The following KCNG1 variants were observed in gnomAD, a reference collection of about 807,000 sequenced individuals.
KCNG1 encodes the protein voltage-gated potassium channel regulatory subunit KCNG1.
Under a neutral mutation model 32.4 loss-of-function variants are expected in KCNG1, and 17 were observed. The observed-to-expected ratio is 0.52, with a 90% confidence interval of 0.36 to 0.79. KCNG1 has a LOEUF of 0.79. Ranked by LOEUF, KCNG1 falls within the 30% of genes least tolerant of loss-of-function variation. The pLI is 0.00. For missense variants in KCNG1, 441 were observed against 735.2 expected, an observed-to-expected ratio of 0.60 and a Z score of 4.63; for synonymous variants, 358 against 339.9, an observed-to-expected ratio of 1.05 and a Z score of -0.59.
Position 51,009,567 on chromosome 20 carries a change from GCTC to G in KCNG1, c.769_771del (p.Glu257del), listed in dbSNP as rs1318564357. Reference sequence around the variant, plus strand: ...CCCCGCGGGGCGTGGGCTCTTACCTGCTCCTCCTCCTCCCTCAGGCTGGGCAAG... The same window carrying G: ...CCCCGCGGGGCGTGGGCTCTTACCTGCTCCTCCTCCCTCAGGCTGGGCAAG... On this transcript the variant is annotated inframe_deletion, in exon 2 of 3. Coordinates refer to ENST00000371571, the MANE Select transcript of KCNG1 (RefSeq NM_002237.4). 6.3e-7 allele frequency: 1 copy of G among 1,599,620 alleles called. No individual in the cohort carries two copies. The highest frequency in any genetic ancestry group is 8.5e-7 in the Non-Finnish European group (1 of 1,174,408).
At chr20:51,014,375 C>G (rs1988201761) in intron 1 of KCNG1, among the ~76,000 whole-genome samples, 3 of 152,182 alleles carry the variant, frequency 2.0e-5, no homozygotes, top group Admixed American at 1.3e-4. Flanking sequence ...TTTCACGCAG[C>G]CTGATATCCT....
At chr20:51,012,392 G>C (rs1025633311) in intron 1 of KCNG1, 1 of 152,252 alleles carries the variant, frequency 6.6e-6, no homozygotes, top group African/African-American at 2.4e-5. Context: ...TGCAAGCCTG[G>C]CTCCTTCATT....
chr20:51,020,764 G>T (rs951087985), intron 1 of KCNG1, among the ~76,000 whole-genome samples: 1 of 152,276 alleles, frequency 6.6e-6, no homozygotes, highest in Non-Finnish European at 1.5e-5. Context: ...TACCTACTGC[G>T]GCTCCAGGAG....
At chr20:51,021,317 G>C (rs1454939037) in intron 1 of KCNG1, among the ~76,000 whole-genome samples, 2 of 152,180 alleles carry the variant, frequency 1.3e-5, no homozygotes, top group Non-Finnish European at 2.9e-5. Context: ...CCTATCAGGC[G>C]ACTCTGCAGG....
chr20:51,004,408 G>C lies in KCNG1; in HGVS notation c.1173C>G (p.Phe391Leu). The change falls in exon 3 of 3, where the codon TTC becomes TTG. Residue 391 changes from phenylalanine (F) to leucine (L), a missense_variant. This residue lies in a region of KCNG1 where 169 missense variants were observed against 297.7 expected (regional missense o/e 0.57). Transcript: ENST00000371571. This position sits in a 1 kb window ranked among gnomAD's most constrained non-coding sequence, Gnocchi z 4.3. The part of the protein sequence containing the change: ...LLFLCVAIAL[F>L]APLLYVIENE... ...TCTCGATGACGTAGAGCAGGGGCGC[G>C]AAGAGGGCGATGGCCACGCAGAGGA... The C allele has an allele frequency of 6.2e-7, 1 of 1,612,276 alleles. No individual in the cohort carries two copies. The highest frequency in any genetic ancestry group is 8.5e-7 in the Non-Finnish European group (1 of 1,178,558).
intron 1 of KCNG1, among the ~76,000 whole-genome samples, chr20:51,021,246 AG>A (rs936750502): frequency 1.3e-5 from 2 of 152,212 alleles, no homozygotes; most frequent in African/African-American, 2.4e-5. Flanking sequence ...ATGACTGAGG[AG>A]GGTGATCCCC....
rs1987708356 is a variant in KCNG1 at position 51,003,805 on chromosome 20, G to T, written c.*234C>A. On this transcript the variant is annotated 3_prime_UTR_variant, in exon 3 of 3. Coordinates refer to ENST00000371571, the MANE Select transcript of KCNG1 (RefSeq NM_002237.4). ...ATAGGGGCTGGGGTGGGCGGGGCTGGGCTGATGACCCAGCTTCCTTTCACG... is the reference window on the plus strand; with the variant it reads ...ATAGGGGCTGGGGTGGGCGGGGCTGTGCTGATGACCCAGCTTCCTTTCACG... 1.9e-6 allele frequency: 1 copy of T among 538,304 alleles called. No homozygotes were observed. Among genetic ancestry groups the T allele is most frequent in the African/African-American group, 1.9e-5 (1 of 52,734 alleles). The allele number at this position is 538,304 out of a possible 1,614,324, so 33.3% of individuals were successfully genotyped here. A position where few individuals can be genotyped will look rare whatever the true frequency, so the allele number is the denominator to read the frequency against.
At position 51,004,834 on chromosome 20, in the gene KCNG1, G is replaced by A. The variant is rs760756764; in HGVS notation, c.775-28C>T. On this transcript the variant is annotated intron_variant, in intron 2 of 2. Transcript: ENST00000371571. The surrounding 1 kb of genome is among the most constrained non-coding windows in gnomAD (Gnocchi z 4.3). Reference sequence around the variant, plus strand: ...GGGAGAGAGGGGAAGGGACGCCGGAGGGGTCAGCGGGCCCTCCAGGAAAGG... The same window carrying A: ...GGGAGAGAGGGGAAGGGACGCCGGAAGGGTCAGCGGGCCCTCCAGGAAAGG... 3.4e-5 allele frequency: 51 copies of A among 1,501,658 alleles called. No homozygotes were observed. Among genetic ancestry groups the A allele is most frequent in the Non-Finnish European group, 4.5e-5 (50 of 1,120,194 alleles). The allele number at this position is 1,501,658 out of a possible 1,614,324, so 93.0% of individuals were successfully genotyped here. A position where few individuals can be genotyped will look rare whatever the true frequency, so the allele number is the denominator to read the frequency against.
In KCNG1 at chr20:51,004,549, C is replaced by T. The variant is rs1187479102; in HGVS notation, c.1032G>A (p.Val344=). Residue 344 remains valine, a synonymous_variant, in exon 3 of 3, where the codon GTG becomes GTA. Transcript: ENST00000371571. The surrounding 1 kb of genome is among the most constrained non-coding windows in gnomAD (Gnocchi z 4.3). ...CGTACAGGATGCGCAGCGCCCGCAGCACGCGCAGCACCAGCCCCACCTTGT... is the reference window on the plus strand; with the variant it reads ...CGTACAGGATGCGCAGCGCCCGCAGTACGCGCAGCACCAGCCCCACCTTGT... ...YLDKVGLVLR[V]LRALRILYVM... 1 of 1,584,306 alleles carries T rather than the reference C, an allele frequency of 6.3e-7. No individual in the cohort carries two copies. Among genetic ancestry groups the T allele is most frequent in the Non-Finnish European group, 8.6e-7 (1 of 1,165,960 alleles).
At chr20:51,017,419 C>T in intron 1 of KCNG1, among the ~76,000 whole-genome samples, 1 of 152,114 alleles carries the variant, frequency 6.6e-6, no homozygotes, top group East Asian at 1.9e-4. Context: ...TGGAGGGTGC[C>T]TGGAAGGGCA....
Position 51,004,448 on chromosome 20 carries a change from C to T in KCNG1, c.1133G>A (p.Gly378Glu). The T allele has an allele frequency of 6.2e-7, 1 of 1,607,732 alleles. No homozygotes were observed. The highest frequency in any genetic ancestry group is 8.5e-7 in the Non-Finnish European group (1 of 1,176,204). Reference protein sequence around the residue: ...LTARRCTREFGLLLLFLCVAI... With the variant: ...LTARRCTREFELLLLFLCVAI... The stretch of plus-strand genomic sequence containing the variant: ...CACGCAGAGGAAGAGCAGCAGGAGC[C>T]CGAACTCGCGGGTGCAGCGGCGGGC... Residue 378 changes from glycine to glutamate, a missense_variant, in exon 3 of 3, where the codon GGG (glycine) becomes GAG (glutamate). By Grantham distance (98) the Gly-to-Glu change is moderately conservative. Coordinates refer to ENST00000371571, the MANE Select transcript of KCNG1 (RefSeq NM_002237.4). The surrounding 1 kb of genome is among the most constrained non-coding windows in gnomAD (Gnocchi z 4.3).
At chr20:51,012,662 G>C (rs1988136122) in intron 1 of KCNG1, among the ~76,000 whole-genome samples, 1 of 152,136 alleles carries the variant, frequency 6.6e-6, no homozygotes, top group South Asian at 2.1e-4. Context: ...GCTGAATTTG[G>C]TTCACAAATA....
chr20:51,021,986 T>C (rs1988500497), intron 1 of KCNG1, among the ~76,000 whole-genome samples: 1 of 152,174 alleles, frequency 6.6e-6, no homozygotes, highest in Non-Finnish European at 1.5e-5. Flanking sequence ...CTTCTGCCTA[T>C]ATACATGGGC....
rs1292471757 is a variant in KCNG1, at chr20:51,023,068, C to G, written c.-225G>C. 1 of 152,272 alleles carries G rather than the reference C, an allele frequency of 6.6e-6. No individual in the cohort carries two copies. The highest frequency in any genetic ancestry group is 1.5e-5 in the Non-Finnish European group (1 of 68,014). The allele number at this position is 152,272 out of a possible 1,614,324, so 9.4% of individuals were successfully genotyped here. A position where few individuals can be genotyped will look rare whatever the true frequency, so the allele number is the denominator to read the frequency against. The stretch of plus-strand genomic sequence containing the variant: ...GCTCCCGCCCTCGGAGCCACGGCCG[C>G]CCCGTCTCTGCCTCCCGGTCCCCGC... On this transcript the variant is annotated 5_prime_UTR_variant, in exon 1 of 3. Coordinates refer to ENST00000371571, the MANE Select transcript of KCNG1 (RefSeq NM_002237.4).
chr20:51,014,809 A>AG (rs1358343124), intron 1 of KCNG1, among the ~76,000 whole-genome samples: 2 of 151,928 alleles, frequency 1.3e-5, no homozygotes, highest in East Asian at 3.9e-4. Flanking sequence ...CATTGGCTGG[A>AG]GGGGTGAAGG....
chr20:51,019,525 T>A (rs1216378468), intron 1 of KCNG1, among the ~76,000 whole-genome samples: 121 of 151,850 alleles, frequency 8.0e-4, no homozygotes, highest in African/African-American at 2.4e-3. Context: ...ATAATAATAA[T>A]AATAATAATA....
intron 1 of KCNG1, among the ~76,000 whole-genome samples, chr20:51,011,339 T>C (rs1186555254): frequency 6.7e-6 from 1 of 149,192 alleles, no homozygotes; most frequent in East Asian, 2.0e-4. Flanking sequence ...TAAATTAACT[T>C]TTTTTTTTTT....
At chr20:51,022,321 AG>A (rs1209877573) in intron 1 of KCNG1, among the ~76,000 whole-genome samples, 3 of 152,148 alleles carry the variant, frequency 2.0e-5, no homozygotes, top group Non-Finnish European at 4.4e-5. Flanking sequence ...CCTTCCTACC[AG>A]TTCCTGGGGG....
Position 51,004,990 on chromosome 20 carries a change from C to T in KCNG1, c.775-184G>A, listed in dbSNP as rs371495881. 3 of 552,116 alleles carry T rather than the reference C, an allele frequency of 5.4e-6. No homozygotes were observed. The highest frequency in any genetic ancestry group is 4.7e-4 in the Middle Eastern group (1 of 2,112). The allele number at this position is 552,116 out of a possible 1,614,324, so 34.2% of individuals were successfully genotyped here. A position where few individuals can be genotyped will look rare whatever the true frequency, so the allele number is the denominator to read the frequency against. ...CCTGGGGCACTAAGCACCATCTCTA[C>T]ACTGGCCGCTCCTCATCTCTCTCTC... On this transcript the variant is annotated intron_variant, in intron 2 of 2. Coordinates refer to ENST00000371571, the MANE Select transcript of KCNG1 (RefSeq NM_002237.4). This position sits in a 1 kb window ranked among gnomAD's most constrained non-coding sequence, Gnocchi z 4.3.
Sources: gnomAD v4.1 joint callset for allele counts (sites outside exome capture counted in the v4.1 genomes callset) on GRCh38, gnomAD v4.1.1 for gene constraint, gnomAD v4.1.1 regional missense constraint, Gnocchi (gnomAD v3.1) non-coding constraint, MANE v1.5 for transcripts, NCBI Gene and HGNC (gene_info 2026-07-23, HGNC 2026-07-21) for gene names.